The following UBE3C variants were observed in gnomAD, a reference collection of about 807,000 sequenced individuals.
The protein encoded by UBE3C is ubiquitin protein ligase E3C.
UBE3C carries 42 observed loss-of-function variants against 129.4 expected under a neutral mutation model. That is an observed-to-expected ratio of 0.32 (90% CI 0.25 to 0.42). The LOEUF (loss-of-function observed/expected upper bound fraction) is 0.42, where lower values mean the gene tolerates loss of function less well. Among genes scored for constraint, UBE3C ranks in the 10% least tolerant of loss-of-function variants. UBE3C has a pLI of 1.00. For missense variants in UBE3C, 1,049 were observed against 1,319.1 expected (o/e 0.80, Z 3.17); for synonymous variants, 510 against 492.4 (o/e 1.04, Z -0.47).
chr7:157,220,228 A>G (rs545606605), intron 14 of UBE3C, among the ~76,000 whole-genome samples: 54 of 152,250 alleles, frequency 3.5e-4, no homozygotes, highest in Non-Finnish European at 6.3e-4. Flanking sequence ...AAAAAATTGT[A>G]AGGACCAAAA....
chr7:157,163,819 G>A lies in UBE3C; in HGVS notation c.76G>A (p.Ala26Thr). 1 of 1,613,476 alleles carries A rather than the reference G, an allele frequency of 6.2e-7. No homozygotes were observed. The highest frequency in any genetic ancestry group is 8.5e-7 in the Non-Finnish European group (1 of 1,179,722). Reference sequence around the variant, plus strand: ...CTCTGTTTGGGTGTAGGAGGAAAAGGCTTCTCTTTTACATCGTACTCAGGA... The same window carrying A: ...CTCTGTTTGGGTGTAGGAGGAAAAGACTTCTCTTTTACATCGTACTCAGGA... Reference protein sequence around the residue: ...LGGASRKEEKASLLHRTQEER... With the variant: ...LGGASRKEEKTSLLHRTQEER... The change falls in exon 2 of 23, where the codon GCT becomes ACT. Residue 26 changes from alanine (A) to threonine (T), a missense_variant. Ala to Thr is a moderately conservative substitution (Grantham distance 58). Transcript: ENST00000348165.
Position 157,216,914 on chromosome 7 carries a change from A to T in UBE3C, c.1857A>T (p.Arg619Ser), listed in dbSNP as rs1795594480. 1 of 1,614,146 alleles carries T rather than the reference A, an allele frequency of 6.2e-7. No homozygotes were observed. Among genetic ancestry groups the T allele is most frequent in the Admixed American group, 1.7e-5 (1 of 60,002 alleles). The change falls in exon 14 of 23, where the codon AGA becomes AGT. Residue 619 changes from arginine to serine, a missense_variant. Coordinates refer to ENST00000348165, the MANE Select transcript of UBE3C (RefSeq NM_014671.3). ...TGTTGAAGTCCAGAGACACGAGGAGAAATTTTTGTCCTCCAAACCACTGGC... is the reference window on the plus strand; with the variant it reads ...TGTTGAAGTCCAGAGACACGAGGAGTAATTTTTGTCCTCCAAACCACTGGC... ...VKMLKSRDTR[R>S]NFCPPNHWLS...
At chr7:157,231,633 G>A (rs1796025010) in intron 18 of UBE3C, 1 of 337,574 alleles carries the variant, frequency 3.0e-6, no homozygotes, top group Non-Finnish European at 5.5e-6. Context: ...GTTTATTGTG[G>A]GAAGGGCCCT....
intron 19 of UBE3C, among the ~76,000 whole-genome samples, chr7:157,253,716 A>T (rs1275026702): frequency 6.6e-6 from 1 of 152,146 alleles, no homozygotes; most frequent in Non-Finnish European, 1.5e-5. Flanking sequence ...GCTTCGGAGG[A>T]AACATGGATG....
chr7:157,174,560 C>T lies in UBE3C; in HGVS notation c.343-359C>T, dbSNP rs571187826. Among the ~76,000 whole-genome samples the T allele has an allele frequency of 4.6e-5, 7 of 152,222 alleles. No individual in the cohort carries two copies. In the South Asian group the frequency reaches 1.5e-3, roughly 32 times the overall value. ...CCACACCCCGCAAGTTCAAGTGATC[C>T]TCCCATCTCAGCCTCTCGAATAGCT... On this transcript the variant is annotated intron_variant, in intron 4 of 22. Transcript: ENST00000348165.
chr7:157,212,444 A>ATG (rs1481934316), intron 13 of UBE3C, among the ~76,000 whole-genome samples: 2 of 152,198 alleles, frequency 1.3e-5, no homozygotes, highest in Non-Finnish European at 2.9e-5. Flanking sequence ...ATTTATATAT[A>ATG]CATTTGTGAT....
intron 15 of UBE3C, chr7:157,222,630 T>C (rs1392905238): frequency 6.6e-6 from 1 of 152,262 alleles, no homozygotes; most frequent in Non-Finnish European, 1.5e-5. Context: ...CTCTCTGTGA[T>C]GCTCAGTTTC....
At chr7:157,142,669 A>T (rs1807487400) in intron 1 of UBE3C, among the ~76,000 whole-genome samples, 1 of 152,036 alleles carries the variant, frequency 6.6e-6, no homozygotes, top group Non-Finnish European at 1.5e-5. Context: ...AGATGGGATG[A>T]TAGACACCAG....
chr7:157,223,737 T>C (rs980757325), intron 16 of UBE3C, among the ~76,000 whole-genome samples: 7 of 152,034 alleles, frequency 4.6e-5, no homozygotes, highest in Non-Finnish European at 1.0e-4. Flanking sequence ...CTGGGAAACA[T>C]AGTGAAACCC....
At chr7:157,262,900 G>A (rs1212752422) in intron 22 of UBE3C, 2 of 152,180 alleles carry the variant, frequency 1.3e-5, no homozygotes, top group African/African-American at 4.8e-5. Context: ...ATGGGACATT[G>A]CTCTAGTTTG....
intron 19 of UBE3C, 32 bp downstream of exon 19, chr7:157,248,612 G>A (rs376266739): frequency 1.2e-4 from 190 of 1,601,270 alleles, no homozygotes; most frequent in Non-Finnish European, 1.1e-4. Flanking sequence ...TCACATACCT[G>A]TATAGCAAGT....
intron 8 of UBE3C, among the ~76,000 whole-genome samples, chr7:157,182,660 C>G (rs1472869254): frequency 6.6e-6 from 1 of 151,766 alleles, no homozygotes; most frequent in East Asian, 1.9e-4. Context: ...TAACATCTTC[C>G]TGTAGTATGT....
chr7:157,250,442 C>T (rs1484955756), intron 19 of UBE3C, among the ~76,000 whole-genome samples: 1 of 152,152 alleles, frequency 6.6e-6, no homozygotes, highest in Non-Finnish European at 1.5e-5. Context: ...CTGCCTCAAC[C>T]TCCCAAAGTG....
At chr7:157,156,786 TA>T in intron 1 of UBE3C, among the ~76,000 whole-genome samples, 1 of 151,832 alleles carries the variant, frequency 6.6e-6, no homozygotes, top group East Asian at 1.9e-4. Flanking sequence ...CCCTTAATAA[TA>T]CTCTCGGAGA....
intron 10 of UBE3C, among the ~76,000 whole-genome samples, chr7:157,200,719 T>C (rs10085650): frequency 0.48 from 72,368 of 151,918 alleles, 19,849 homozygotes; most frequent in African/African-American, 0.77. Context: ...ACTGCAGCCT[T>C]GAACTCCTGG....
intron 10 of UBE3C, chr7:157,192,948 A>G: frequency 1.6e-6 from 1 of 618,080 alleles, no homozygotes. Context: ...AAACTGTAGC[A>G]TGAGGGAAAG....
At chr7:157,265,669 G>A (rs1182414) in intron 22 of UBE3C, among the ~76,000 whole-genome samples, 88,294 of 152,092 alleles carry the variant, frequency 0.58, 26,502 homozygotes, top group South Asian at 0.65. Context: ...AGAAAAGCAC[G>A]GCACGGAATA....
At chr7:157,188,864 A>T (rs1808878768) in intron 10 of UBE3C, 1 of 471,890 alleles carries the variant, frequency 2.1e-6, no homozygotes, top group African/African-American at 1.9e-5. Context: ...TAACTCATTC[A>T]CAGGCCCTCA....
chr7:157,212,391 A>G (rs1370772970), intron 13 of UBE3C, among the ~76,000 whole-genome samples: 1 of 152,224 alleles, frequency 6.6e-6, no homozygotes, highest in Non-Finnish European at 1.5e-5. Context: ...CGTCATCTCC[A>G]TACAGAAATG....
Sources: allele counts gnomAD v4.1 joint callset (sites outside exome capture counted in the v4.1 genomes callset), GRCh38; gene constraint gnomAD v4.1.1; transcripts MANE v1.5; gene names NCBI Gene and HGNC (gene_info 2026-07-23, HGNC 2026-07-21).